The following RHOF variants were observed in gnomAD, a reference collection of about 807,000 sequenced individuals.
RHOF encodes ras homolog family member F, filopodia associated, also known as rho-related GTP-binding protein RhoF.
In RHOF, 21 loss-of-function variants were observed where a neutral mutation model predicts 22.2. That is an observed-to-expected ratio of 0.95 (90% CI 0.67 to 1.36). RHOF has a LOEUF of 1.36. RHOF is among the 40% of genes most tolerant of loss of function. The pLI is 0.00. For missense variants in RHOF, 285 were observed against 293.7 expected (o/e 0.97, Z 0.22); for synonymous variants, 135 against 131.2 (o/e 1.03, Z -0.20).
intron 2 of RHOF, among the ~76,000 whole-genome samples, chr12:121,788,036 C>T (rs186370253): frequency 5.9e-4 from 90 of 152,140 alleles, no homozygotes; most frequent in African/African-American, 1.3e-3. Context: ...GAGCTGGGGC[C>T]GCAGGTGTGT....
chr12:121,790,622 G>C (rs533336144), intron 2 of RHOF, among the ~76,000 whole-genome samples: 1 of 152,170 alleles, frequency 6.6e-6, no homozygotes, highest in Non-Finnish European at 1.5e-5. Flanking sequence ...CCCTGGTCAC[G>C]GGGGGATACC....
At position 121,778,891 on chromosome 12, in the gene RHOF, CT is replaced by C. The variant is rs1309192319; in HGVS notation, c.*606del. 1 of 152,904 alleles carries C rather than the reference CT, an allele frequency of 6.5e-6. No homozygotes were observed. Among genetic ancestry groups the C allele is most frequent in the Non-Finnish European group, 1.5e-5 (1 of 68,570 alleles). The allele number at this position is 152,904 out of a possible 1,614,324, so 9.5% of individuals were successfully genotyped here. ...ACTGAGAAGCCATTTTTTCTGCCCC[CT>C]GGGCACATGTGCCCAGCTCTGCAAA... On this transcript the variant is annotated 3_prime_UTR_variant, in exon 5 of 5. Transcript: ENST00000267205.
At position 121,793,607 on chromosome 12, in the gene RHOF, C is replaced by T. The variant is rs987004474; in HGVS notation, c.27G>A (p.Gln9=). Residue 9 remains glutamine, a synonymous_variant, in exon 1 of 5, where the codon CAG becomes CAA. Transcript: ENST00000267205. The stretch of plus-strand genomic sequence containing the variant: ...TCCTGCCCGGACCGGGGGCGGCGGT[C>T]TGGGCCAGGGCCCCGGGGGCATCCA... MDAPGALA[Q]TAAPGPGRKE... 3 of 1,550,304 alleles carry T rather than the reference C, an allele frequency of 1.9e-6. No homozygotes were observed. The highest frequency in any genetic ancestry group is 1.2e-5 in the South Asian group (1 of 84,816).
chr12:121,787,360 G>A (rs1874635035), intron 2 of RHOF, among the ~76,000 whole-genome samples: 1 of 152,280 alleles, frequency 6.6e-6, no homozygotes, highest in Non-Finnish European at 1.5e-5. Flanking sequence ...TGGTGGAGGG[G>A]GCCTTTGTCA....
At chr12:121,784,609 T>C (rs1246443670) in intron 2 of RHOF, among the ~76,000 whole-genome samples, 2 of 150,558 alleles carry the variant, frequency 1.3e-5, no homozygotes, top group Non-Finnish European at 3.0e-5. Context: ...AAATGATGAA[T>C]ACTCCCACAA....
At chr12:121,779,848 G>T in intron 4 of RHOF, 186 bp from the exon 5 acceptor site, 2 of 629,700 alleles carry the variant, frequency 3.2e-6, no homozygotes, top group South Asian at 4.0e-5. Flanking sequence ...GGGCAGTGCA[G>T]CCCGCAGGTT....
chr12:121,779,699 C>A (rs757075007), intron 4 of RHOF, 37 bp from the exon 5 acceptor site: 11 of 1,609,838 alleles, frequency 6.8e-6, no homozygotes, highest in Non-Finnish European at 9.3e-6. Flanking sequence ...GGTGAGGGGC[C>A]CCTGGAGGTC....
intron 4 of RHOF, 53 bp downstream of exon 4, chr12:121,780,819 T>A: frequency 6.3e-7 from 1 of 1,581,008 alleles, no homozygotes; most frequent in Non-Finnish European, 8.6e-7. Context: ...AGGCCAAAGG[T>A]CCGGGAGGCT....
chr12:121,793,088 C>T (rs1874804344), intron 2 of RHOF, 64 bp downstream of exon 2: 7 of 1,403,324 alleles, frequency 5.0e-6, no homozygotes, highest in Non-Finnish European at 6.9e-6. Flanking sequence ...GTGGGGGACG[C>T]CCGGGAGGGG....
At chr12:121,788,880 C>G (rs1471224620) in intron 2 of RHOF, among the ~76,000 whole-genome samples, 1 of 152,134 alleles carries the variant, frequency 6.6e-6, no homozygotes, top group Admixed American at 6.5e-5. Context: ...AGTTAATAGC[C>G]TGGCATGGTG....
intron 2 of RHOF, 120 bp from the exon 3 acceptor site, chr12:121,781,312 C>A: frequency 2.5e-6 from 2 of 804,214 alleles, no homozygotes; most frequent in Non-Finnish European, 4.0e-6. Context: ...CTCATCTATA[C>A]AATGGGCAGC....
At chr12:121,789,622 CTGGG>C (rs1874711019) in intron 2 of RHOF, among the ~76,000 whole-genome samples, 1 of 152,152 alleles carries the variant, frequency 6.6e-6, no homozygotes, top group Admixed American at 6.5e-5. Context: ...ACTCACTCTG[CTGGG>C]GGCCGCCCAC....
rs189300844 is a variant in RHOF at position 121,782,715 on chromosome 12, A to T, written c.227-1523T>A. 581 of 152,440 alleles carry T rather than the reference A, an allele frequency of 3.8e-3. 22 individuals carry two copies. Among genetic ancestry groups the T allele is most frequent in the Non-Finnish European group, 7.5e-4 (51 of 68,156 alleles). 9.4% of individuals were successfully genotyped at this position (152,440 alleles called of 1,614,324 possible). A position where few individuals can be genotyped will look rare whatever the true frequency, so the allele number is the denominator to read the frequency against. Reference sequence around the variant, plus strand: ...AACCCAGGGACCTCCAAAAGTCTTCAGCCAGCTCCCCCATGGAACAGTGCT... The same window carrying T: ...AACCCAGGGACCTCCAAAAGTCTTCTGCCAGCTCCCCCATGGAACAGTGCT... On this transcript the variant is annotated intron_variant, in intron 2 of 4. Coordinates refer to ENST00000267205, the MANE Select transcript of RHOF (RefSeq NM_019034.3).
intron 2 of RHOF, among the ~76,000 whole-genome samples, chr12:121,785,237 G>T (rs1209250628): frequency 6.6e-6 from 1 of 152,068 alleles, no homozygotes; most frequent in Non-Finnish European, 1.5e-5. Context: ...GATGCAGCAG[G>T]ACAGCGCACG....
At chr12:121,782,767 G>A (rs1874505075) in intron 2 of RHOF, 1 of 152,250 alleles carries the variant, frequency 6.6e-6, no homozygotes, top group Non-Finnish European at 1.5e-5. Flanking sequence ...AGAGACAGAT[G>A]AGACACATGT....
Position 121,777,900 on chromosome 12 carries a change from A to G in RHOF, c.*1598T>C, listed in dbSNP as rs1472888775. ...AACTCCTTGGTTGATTCCCCAGGGTACGGCAGGGCCTTGGGAACCTGGGTG... is the reference window on the plus strand; with the variant it reads ...AACTCCTTGGTTGATTCCCCAGGGTGCGGCAGGGCCTTGGGAACCTGGGTG... On this transcript the variant is annotated 3_prime_UTR_variant, in exon 5 of 5. Coordinates refer to ENST00000267205, the MANE Select transcript of RHOF (RefSeq NM_019034.3). 6.6e-6 allele frequency: 1 copy of G among 152,210 alleles called. No individual in the cohort carries two copies. The highest frequency in any genetic ancestry group is 1.5e-5 in the Non-Finnish European group (1 of 68,028). 9.4% of individuals were successfully genotyped at this position (152,210 alleles called of 1,614,324 possible).
At chr12:121,780,796 AC>A in intron 4 of RHOF, 75 bp downstream of exon 4, 1 of 1,505,178 alleles carries the variant, frequency 6.6e-7, no homozygotes, top group South Asian at 1.3e-5. Context: ...CCACTAAGGC[AC>A]CCCAGTTGCA....
chr12:121,787,320 G>A (rs1193168428), intron 2 of RHOF, among the ~76,000 whole-genome samples: 1 of 152,136 alleles, frequency 6.6e-6, no homozygotes, highest in East Asian at 1.9e-4. Context: ...TGCGCTGGGT[G>A]GGGACAGTTC....
chr12:121,778,588 G>T lies in RHOF; in HGVS notation c.*910C>A, dbSNP rs1874327423. On this transcript the variant is annotated 3_prime_UTR_variant, in exon 5 of 5. Coordinates refer to ENST00000267205, the MANE Select transcript of RHOF (RefSeq NM_019034.3). ...TGAGAAACTGTCCCGCGTGGACAGG[G>T]GGTAGATCCCATCAGTTCTCAAAGG... 6.6e-6 allele frequency: 1 copy of T among 151,620 alleles called. No homozygotes were observed. The allele number at this position is 151,620 out of a possible 1,614,324, so 9.4% of individuals were successfully genotyped here.
Sources: allele counts gnomAD v4.1 joint callset (sites outside exome capture counted in the v4.1 genomes callset), GRCh38; gene constraint gnomAD v4.1.1; transcripts MANE v1.5; gene names NCBI Gene and HGNC (gene_info 2026-07-23, HGNC 2026-07-21).